The following CAMK1D variants were observed in gnomAD, a reference collection of about 807,000 sequenced individuals.
The protein encoded by CAMK1D is calcium/calmodulin-dependent protein kinase type 1D.
Under a neutral mutation model 47.7 loss-of-function variants are expected in CAMK1D, and 9 were observed. The ratio of observed to expected loss-of-function variants is 0.19; its 90% CI spans 0.11 to 0.33. The LOEUF is 0.33. Among genes scored for constraint, CAMK1D ranks in the 10% least tolerant of loss-of-function variants. CAMK1D has a pLI of 1.00. For synonymous variants in CAMK1D, 184 were observed against 184.9 expected (o/e 0.99, Z 0.04); for missense variants, 291 against 488.7 (o/e 0.60, Z 3.81).
Position 12,391,442 on chromosome 10 carries a change from G to T in CAMK1D, c.92+41532G>T, listed in dbSNP as rs546730649. On this transcript the variant is annotated intron_variant, in intron 1 of 10. Coordinates refer to ENST00000619168, the MANE Select transcript of CAMK1D (RefSeq NM_153498.4). ...CAGGAAGGCAGTTTCACCCCAGCTG[G>T]GATCACCGGTTGCTTTTCACATTCT... Among the ~76,000 whole-genome samples, 4 of 152,124 alleles carry T rather than the reference G, an allele frequency of 2.6e-5. No homozygotes were observed. The East Asian group carries it at 7.7e-4, about 29-fold the overall frequency.
intron 2 of CAMK1D, among the ~76,000 whole-genome samples, chr10:12,580,222 A>T (rs1406802079): frequency 6.6e-6 from 1 of 152,010 alleles, no homozygotes; most frequent in African/African-American, 2.4e-5. Flanking sequence ...TCTTAAGGCT[A>T]CGATTTGCTC....
At chr10:12,670,807 C>T (rs111793384) in intron 3 of CAMK1D, among the ~76,000 whole-genome samples, 4,168 of 152,272 alleles carry the variant, frequency 0.027, 80 homozygotes, top group Middle Eastern at 0.078. Context: ...CCTCAGCTTC[C>T]CAAAGTGCTG....
At chr10:12,389,741 G>A (rs560273189) in intron 1 of CAMK1D, among the ~76,000 whole-genome samples, 3 of 152,320 alleles carry the variant, frequency 2.0e-5, no homozygotes, top group African/African-American at 7.2e-5. Context: ...TGGACACAGT[G>A]TCCTTGTCAC....
chr10:12,646,904 C>T (rs1204741296), intron 2 of CAMK1D, among the ~76,000 whole-genome samples: 6 of 151,894 alleles, frequency 4.0e-5, no homozygotes, highest in Non-Finnish European at 7.4e-5. Context: ...TGCAGTGGTG[C>T]GATTTCGGCT....
intron 3 of CAMK1D, among the ~76,000 whole-genome samples, chr10:12,758,299 A>C (rs12255328): frequency 1.0e-3 from 152 of 152,314 alleles, no homozygotes; most frequent in African/African-American, 3.2e-3. Context: ...TTTGAAATGC[A>C]GGCTTAAGGA....
At chr10:12,455,771 T>C (rs2768367) in intron 1 of CAMK1D, among the ~76,000 whole-genome samples, 132,698 of 152,248 alleles carry the variant, frequency 0.87, 58,017 homozygotes, top group Admixed American at 0.92. Context: ...AACTGACTGT[T>C]CTTAGAATTG....
chr10:12,561,039 G>A (rs1008502167), intron 2 of CAMK1D, among the ~76,000 whole-genome samples: 3 of 151,468 alleles, frequency 2.0e-5, no homozygotes, highest in Non-Finnish European at 4.4e-5. Flanking sequence ...TCAGCCTCCC[G>A]AGTAGCTGGG....
chr10:12,825,767 C>T, intron 10 of CAMK1D, 77 bp downstream of exon 10: 1 of 1,601,682 alleles, frequency 6.2e-7, no homozygotes, highest in East Asian at 2.2e-5. Context: ...GAGCCGGCAT[C>T]TGCCGAGCAC....
chr10:12,639,213 CA>C (rs1229589024), intron 2 of CAMK1D, among the ~76,000 whole-genome samples: 1 of 152,258 alleles, frequency 6.6e-6, no homozygotes, highest in Non-Finnish European at 1.5e-5. Flanking sequence ...AGGCCGGGTG[CA>C]GTGGCTCACG....
At chr10:12,695,908 C>G (rs1036256192) in intron 3 of CAMK1D, among the ~76,000 whole-genome samples, 6 of 152,020 alleles carry the variant, frequency 3.9e-5, no homozygotes, top group Admixed American at 3.9e-4. Context: ...GAAACCCCGT[C>G]TCTACTAAAA....
chr10:12,681,005 CTT>C (rs1840975290), intron 3 of CAMK1D, among the ~76,000 whole-genome samples: 1 of 152,146 alleles, frequency 6.6e-6, no homozygotes, highest in Non-Finnish European at 1.5e-5. Context: ...ACATTGACGG[CTT>C]TGGTGGTCGA....
chr10:12,553,425 C>T, intron 2 of CAMK1D, 69 bp downstream of exon 2: 2 of 1,359,852 alleles, frequency 1.5e-6, no homozygotes, highest in Non-Finnish European at 2.1e-6. Context: ...GGAGTCCTGC[C>T]CCGGAGGCAG....
chr10:12,749,551 T>G (rs200813872), intron 3 of CAMK1D, among the ~76,000 whole-genome samples: 18 of 99,116 alleles, frequency 1.8e-4, no homozygotes, highest in African/African-American at 6.0e-4. Flanking sequence ...TTGTTTGTTT[T>G]TTGTTTGTTT....
intron 3 of CAMK1D, among the ~76,000 whole-genome samples, chr10:12,722,400 T>A (rs571235528): frequency 7.9e-6 from 1 of 126,776 alleles, no homozygotes; most frequent in East Asian, 2.3e-4. Flanking sequence ...GAGCCAAGAT[T>A]GTGCCACTGC....
At chr10:12,577,070 A>G (rs1837511986) in intron 2 of CAMK1D, among the ~76,000 whole-genome samples, 1 of 152,184 alleles carries the variant, frequency 6.6e-6, no homozygotes, top group Non-Finnish European at 1.5e-5. Context: ...GCCTTTGTTA[A>G]TATGTGCCAG....
chr10:12,555,046 G>C (rs531750297), intron 2 of CAMK1D, among the ~76,000 whole-genome samples: 5 of 152,300 alleles, frequency 3.3e-5, no homozygotes, highest in African/African-American at 1.2e-4. Flanking sequence ...TTTAAGAGTT[G>C]CTATTAATAA....
intron 1 of CAMK1D, among the ~76,000 whole-genome samples, chr10:12,493,813 A>T (rs1022911440): frequency 1.3e-5 from 2 of 152,056 alleles, no homozygotes; most frequent in African/African-American, 4.8e-5. Flanking sequence ...GTTTTTAGTT[A>T]TCTAGGTTAT....
At chr10:12,523,270 C>T (rs537740822) in intron 1 of CAMK1D, among the ~76,000 whole-genome samples, 105 of 150,100 alleles carry the variant, frequency 7.0e-4, no homozygotes, top group African/African-American at 2.5e-3. Context: ...ACTGGGTGGC[C>T]GGGCAGAGGG....
At chr10:12,358,021 T>C (rs1405720780) in intron 1 of CAMK1D, among the ~76,000 whole-genome samples, 3 of 152,174 alleles carry the variant, frequency 2.0e-5, no homozygotes, top group Non-Finnish European at 4.4e-5. Flanking sequence ...ATCTGTTCTC[T>C]GTGTCTTGTG....
Sources: gnomAD v4.1 joint callset for allele counts (sites outside exome capture counted in the v4.1 genomes callset) on GRCh38, gnomAD v4.1.1 for gene constraint, MANE v1.5 for transcripts, NCBI Gene and HGNC (gene_info 2026-07-23, HGNC 2026-07-21) for gene names.